Variants in MAP3K13 observed in about 807,000 individuals in gnomAD.
MAP3K13 encodes the protein mitogen-activated protein kinase kinase kinase 13.
Under a neutral mutation model 104.0 loss-of-function variants are expected in MAP3K13, and 52 were observed. The observed-to-expected ratio is 0.50, with a 90% confidence interval of 0.40 to 0.63. The LOEUF (loss-of-function observed/expected upper bound fraction) is 0.63. Ranked by LOEUF, MAP3K13 falls within the 20% of genes least tolerant of loss-of-function variation. The probability of loss-of-function intolerance (pLI) is 0.00; values close to 1 mark genes in which losing one functional copy is unlikely to be tolerated. For synonymous variants in MAP3K13, 394 were observed against 442.2 expected, an observed-to-expected ratio of 0.89 and a Z score of 1.37; for missense variants, 914 against 1,218.5, an observed-to-expected ratio of 0.75 and a Z score of 3.72.
At chr3:185,374,460 G>A (rs1724324444) in intron 1 of MAP3K13, among the ~76,000 whole-genome samples, 1 of 152,128 alleles carries the variant, frequency 6.6e-6, no homozygotes. Flanking sequence ...AGAAACATTT[G>A]TCATATAGAA....
chr3:185,488,100 G>A lies in MAP3K13; in HGVS notation c.*5644G>A, dbSNP rs1483569358. The A allele has an allele frequency of 6.6e-6, 1 of 152,146 alleles. No individual in the cohort carries two copies. The highest frequency in any genetic ancestry group is 1.5e-5 in the Non-Finnish European group (1 of 68,028). The allele number at this position is 152,146 out of a possible 1,614,324, so 9.4% of individuals were successfully genotyped here. The stretch of plus-strand genomic sequence containing the variant: ...TCATTTAATTCTGTTGAATGAATAT[G>A]TTCCTCCCTCACCTTTTATAAACAG... On this transcript the variant is annotated 3_prime_UTR_variant, in exon 14 of 14. Transcript: ENST00000265026.
chr3:185,471,740 G>A (rs779522367), intron 10 of MAP3K13, among the ~76,000 whole-genome samples: 16 of 152,086 alleles, frequency 1.1e-4, no homozygotes, highest in Non-Finnish European at 1.8e-4. Context: ...GATTATAGGC[G>A]TGAGCCACCA....
chr3:185,310,378 A>G (rs1277383026), intron 2 of MAP3K13, among the ~76,000 whole-genome samples: 1 of 152,246 alleles, frequency 6.6e-6, no homozygotes, highest in East Asian at 1.9e-4. Flanking sequence ...ATGAAAAAAA[A>G]CACAACCATT....
chr3:185,410,882 C>T (rs1713401186), intron 1 of MAP3K13, among the ~76,000 whole-genome samples: 1 of 149,120 alleles, frequency 6.7e-6, no homozygotes, highest in Non-Finnish European at 1.5e-5. Flanking sequence ...TTGCAGTGAA[C>T]TAAGATCACA....
At chr3:185,309,850 C>G (rs1721435111) in intron 2 of MAP3K13, among the ~76,000 whole-genome samples, 1 of 152,092 alleles carries the variant, frequency 6.6e-6, no homozygotes, top group Non-Finnish European at 1.5e-5. Flanking sequence ...CAGTGTTCCT[C>G]CACAGATATA....
intron 2 of MAP3K13, among the ~76,000 whole-genome samples, chr3:185,312,313 G>A (rs1051256579): frequency 1.3e-5 from 2 of 152,204 alleles, no homozygotes; most frequent in African/African-American, 2.4e-5. Context: ...ATAGAAGCTC[G>A]GATATCAGTT....
chr3:185,383,121 T>G (rs1232420271), intron 1 of MAP3K13, among the ~76,000 whole-genome samples: 3 of 150,060 alleles, frequency 2.0e-5, no homozygotes, highest in African/African-American at 7.4e-5. Context: ...GTTTGGTTTT[T>G]TTGTTCTTGC....
intron 2 of MAP3K13, among the ~76,000 whole-genome samples, chr3:185,297,087 T>C (rs948155142): frequency 6.6e-6 from 1 of 152,134 alleles, no homozygotes; most frequent in Non-Finnish European, 1.5e-5. Flanking sequence ...GAGTCTTACA[T>C]AGAAACCCAG....
chr3:185,412,600 C>G (rs1458844511), intron 1 of MAP3K13, among the ~76,000 whole-genome samples: 1 of 152,192 alleles, frequency 6.6e-6, no homozygotes, highest in Non-Finnish European at 1.5e-5. Flanking sequence ...TTCTATCACA[C>G]ATTTTCTAGA....
chr3:185,337,410 A>G (rs963170037), intron 2 of MAP3K13, among the ~76,000 whole-genome samples: 3 of 152,282 alleles, frequency 2.0e-5, no homozygotes, highest in African/African-American at 7.2e-5. Flanking sequence ...AATAAAGGCA[A>G]CACAAAGTAA....
chr3:185,291,687 T>A, intron 2 of MAP3K13: 1 of 1,529,752 alleles, frequency 6.5e-7, no homozygotes, highest in East Asian at 2.5e-5. Context: ...AATAACCTCA[T>A]CAAGACTTAG....
chr3:185,388,549 G>T (rs930778265), intron 1 of MAP3K13, among the ~76,000 whole-genome samples: 1 of 151,924 alleles, frequency 6.6e-6, no homozygotes, highest in African/African-American at 2.4e-5. Flanking sequence ...CAAACAAATG[G>T]ACAGCTATCA....
At position 185,480,505 on chromosome 3, in the gene MAP3K13, G is replaced by C; in HGVS notation, c.2775G>C (p.Leu925=). 1 of 1,613,778 alleles carries C rather than the reference G, an allele frequency of 6.2e-7. No homozygotes were observed. Among genetic ancestry groups the C allele is most frequent in the Non-Finnish European group, 8.5e-7 (1 of 1,179,730 alleles). ...AGACTCAGATGTCTCTGGGCAAGCTGTGTGTGGAGGAACGTGGCTATGAGG... is the reference window on the plus strand; with the variant it reads ...AGACTCAGATGTCTCTGGGCAAGCTCTGTGTGGAGGAACGTGGCTATGAGG... The part of the protein sequence containing the change: ...RVKTQMSLGK[L]CVEERGYENP... Residue 925 remains leucine, a synonymous_variant, in exon 13 of 14, where the codon CTG becomes CTC. Transcript: ENST00000265026.
chr3:185,330,031 C>A (rs1722196070), intron 2 of MAP3K13, among the ~76,000 whole-genome samples: 1 of 144,186 alleles, frequency 6.9e-6, no homozygotes, highest in Non-Finnish European at 1.5e-5. Flanking sequence ...AGGCGCCCGC[C>A]ACCATGCCTG....
At chr3:185,349,683 T>G (rs992902745) in intron 2 of MAP3K13, among the ~76,000 whole-genome samples, 4 of 152,246 alleles carry the variant, frequency 2.6e-5, no homozygotes, top group African/African-American at 9.6e-5. Context: ...ACTGTAAGCT[T>G]CTTCAGGGCG....
intron 1 of MAP3K13, among the ~76,000 whole-genome samples, chr3:185,284,711 G>A (rs962147727): frequency 5.3e-5 from 8 of 150,528 alleles, no homozygotes; most frequent in African/African-American, 1.7e-4. Flanking sequence ...TAACTCCTCA[G>A]GAACTATAAA....
intron 1 of MAP3K13, among the ~76,000 whole-genome samples, chr3:185,392,715 A>G (rs1448638553): frequency 6.6e-6 from 1 of 152,158 alleles, no homozygotes; most frequent in African/African-American, 2.4e-5. Flanking sequence ...GGAATAGGAT[A>G]AAGAGACTAC....
At chr3:185,449,371 T>TAAA (rs61621090) in intron 5 of MAP3K13, among the ~76,000 whole-genome samples, 12 of 80,740 alleles carry the variant, frequency 1.5e-4, no homozygotes, top group East Asian at 7.5e-4. Context: ...AGATGCTGTC[T>TAAA]AAAAAAAAAA....
At position 185,345,012 on chromosome 3, in the gene MAP3K13, G is replaced by A. The variant is rs572692191; in HGVS notation, c.-86+59369G>A. ...CAAGTAGCTGGGATTACAGGCATGC[G>A]CCACCATGCCCAGCTAATTTTTGTA... is the stretch of plus-strand genomic sequence containing the variant. On this transcript the variant is annotated intron_variant, in intron 2 of 14. Transcript: ENST00000424227. Among the ~76,000 whole-genome samples the A allele has an allele frequency of 1.2e-4, 18 of 151,876 alleles. No individual in the cohort carries two copies. The Middle Eastern group carries it at 0.01, about 86-fold the overall frequency.
Sources: allele counts gnomAD v4.1 joint callset (sites outside exome capture counted in the v4.1 genomes callset), GRCh38; gene constraint gnomAD v4.1.1; transcripts MANE v1.5; gene names NCBI Gene and HGNC (gene_info 2026-07-23, HGNC 2026-07-21).